Variants in RNF150 observed in about 807,000 individuals in gnomAD.
The protein encoded by RNF150 is ring finger protein 150.
In RNF150, 24 loss-of-function variants were observed where a neutral mutation model predicts 39.3. The observed-to-expected ratio is 0.61, with a 90% confidence interval of 0.44 to 0.86. RNF150 has a LOEUF of 0.86. RNF150 is among the 40% of genes least tolerant of loss of function. RNF150 has a pLI of 0.00. For synonymous variants in RNF150, 255 were observed against 227.3 expected (o/e 1.12, Z -1.10); for missense variants, 502 against 587.8 (o/e 0.85, Z 1.51).
intron 2 of RNF150, among the ~76,000 whole-genome samples, chr4:140,953,950 T>C (rs1272897130): frequency 1.3e-5 from 2 of 152,178 alleles, no homozygotes; most frequent in African/African-American, 4.8e-5. Context: ...CAGGCCCTGC[T>C]CAAACTAAGT....
chr4:141,000,770 A>G (rs1056197185), intron 1 of RNF150, among the ~76,000 whole-genome samples: 1 of 152,186 alleles, frequency 6.6e-6, no homozygotes, highest in African/African-American at 2.4e-5. Context: ...TCATATTTCA[A>G]TGTGGATTTT....
intron 1 of RNF150, among the ~76,000 whole-genome samples, chr4:141,210,392 A>G (rs1457383105): frequency 3.3e-5 from 5 of 151,876 alleles, no homozygotes; most frequent in Admixed American, 2.0e-4. Context: ...CAAGAGGCTT[A>G]GTTTTCTTTT....
At chr4:141,088,368 G>C (rs1035287704) in intron 1 of RNF150, among the ~76,000 whole-genome samples, 5 of 152,144 alleles carry the variant, frequency 3.3e-5, no homozygotes, top group African/African-American at 1.2e-4. Context: ...TCAGAATTTG[G>C]GGGAGGTTAA....
At chr4:140,921,556 C>G (rs998472203) in intron 5 of RNF150, among the ~76,000 whole-genome samples, 3 of 152,180 alleles carry the variant, frequency 2.0e-5, no homozygotes, top group Non-Finnish European at 4.4e-5. Flanking sequence ...GGAGCTGGTA[C>G]CATTCCTTTT....
chr4:141,202,557 AT>A (rs559131740), intron 1 of RNF150, among the ~76,000 whole-genome samples: 107 of 149,888 alleles, frequency 7.1e-4, no homozygotes, highest in African/African-American at 2.2e-3. Context: ...TATTTTTCAA[AT>A]TTTTTTTTTG....
At position 140,911,223 on chromosome 4, in the gene RNF150, G is replaced by T; in HGVS notation, c.1119C>A (p.Val373=). ...CCACCTGCAAGGCTCCCACAGTCCGGACAGCAGGGTCCAAAGTGACTGAAC... is the reference window on the plus strand; with the variant it reads ...CCACCTGCAAGGCTCCCACAGTCCGTACAGCAGGGTCCAAAGTGACTGAAC... ...NESSVTLDPA[V]RTVGALQVVQ... Residue 373 remains valine (V), a synonymous_variant, in exon 6 of 7, where the codon GTC becomes GTA. Transcript: ENST00000515673. 6.2e-7 allele frequency: 1 copy of T among 1,614,138 alleles called. No homozygotes were observed. The highest frequency in any genetic ancestry group is 1.3e-5 in the African/African-American group (1 of 75,038).
chr4:141,211,844 A>G (rs1728473820), intron 1 of RNF150, among the ~76,000 whole-genome samples: 4 of 152,200 alleles, frequency 2.6e-5, no homozygotes, highest in Admixed American at 2.6e-4. Flanking sequence ...AATCAACTGA[A>G]AAAACCTCAT....
At chr4:141,153,608 A>C (rs1457343254) in intron 1 of RNF150, among the ~76,000 whole-genome samples, 1 of 152,192 alleles carries the variant, frequency 6.6e-6, no homozygotes. Context: ...ACAGTAAAGA[A>C]ATAATGGTAA....
chr4:141,211,700 G>A (rs1206365623), intron 1 of RNF150, among the ~76,000 whole-genome samples: 2 of 150,038 alleles, frequency 1.3e-5, no homozygotes, highest in Non-Finnish European at 3.0e-5. Flanking sequence ...TGGAGATCTG[G>A]TAACTATTGT....
chr4:141,212,200 G>C (rs773365652), intron 1 of RNF150, among the ~76,000 whole-genome samples: 14 of 152,136 alleles, frequency 9.2e-5, no homozygotes, highest in Non-Finnish European at 1.6e-4. Flanking sequence ...ATGAGCAGGG[G>C]GCTGTGGATC....
intron 1 of RNF150, among the ~76,000 whole-genome samples, chr4:140,975,682 A>AT (rs1733636424): frequency 6.6e-6 from 1 of 152,012 alleles, no homozygotes; most frequent in Non-Finnish European, 1.5e-5. Context: ...GCCTGATCCT[A>AT]TTTTCTGGGG....
chr4:140,896,733 AT>A (rs1406678438), intron 6 of RNF150, among the ~76,000 whole-genome samples: 3 of 143,002 alleles, frequency 2.1e-5, no homozygotes, highest in Non-Finnish European at 4.6e-5. Context: ...AAAAAAAATA[AT>A]TTTTTTTCTT....
intron 1 of RNF150, among the ~76,000 whole-genome samples, chr4:140,988,795 C>T (rs1242877931): frequency 6.6e-6 from 1 of 152,108 alleles, no homozygotes; most frequent in Non-Finnish European, 1.5e-5. Context: ...AAATGTTGCA[C>T]ATATACACCA....
At chr4:141,019,361 A>AT (rs1158106333) in intron 1 of RNF150, among the ~76,000 whole-genome samples, 2 of 151,998 alleles carry the variant, frequency 1.3e-5, no homozygotes, top group South Asian at 2.1e-4. Flanking sequence ...ATTTAAAACT[A>AT]TTTTTTCCAG....
At chr4:140,875,482 C>T (rs919520388) in intron 6 of RNF150, among the ~76,000 whole-genome samples, 25 of 152,154 alleles carry the variant, frequency 1.6e-4, no homozygotes, top group Non-Finnish European at 3.5e-4. Context: ...GGCCCATAAT[C>T]TGTTCTTGAG....
intron 1 of RNF150, among the ~76,000 whole-genome samples, chr4:141,202,477 C>T (rs1166788527): frequency 6.6e-6 from 1 of 151,924 alleles, no homozygotes; most frequent in Non-Finnish European, 1.5e-5. Context: ...CACTTTTATC[C>T]ATGTTTTACT....
At chr4:140,909,922 A>G (rs1416319399) in intron 6 of RNF150, among the ~76,000 whole-genome samples, 1 of 152,214 alleles carries the variant, frequency 6.6e-6, no homozygotes, top group Non-Finnish European at 1.5e-5. Context: ...AAGGTCCTGT[A>G]AAAATGGTAT....
chr4:140,941,505 C>G (rs1045757943), intron 4 of RNF150, among the ~76,000 whole-genome samples: 7 of 152,204 alleles, frequency 4.6e-5, no homozygotes, highest in Non-Finnish European at 1.0e-4. Context: ...TAATTACATT[C>G]CAATTAATCT....
intron 1 of RNF150, among the ~76,000 whole-genome samples, chr4:141,089,789 GTCT>G (rs1738509385): frequency 1.3e-5 from 2 of 152,002 alleles, no homozygotes; most frequent in Admixed American, 1.3e-4. Context: ...AATATTTTTT[GTCT>G]TCTTGTCAAA....
Sources: allele counts gnomAD v4.1 joint callset (sites outside exome capture counted in the v4.1 genomes callset), GRCh38; gene constraint gnomAD v4.1.1; transcripts MANE v1.5; gene names NCBI Gene and HGNC (gene_info 2026-07-23, HGNC 2026-07-21).